The following IMMP2L variants were observed in gnomAD, a reference collection of about 807,000 sequenced individuals.
The protein encoded by IMMP2L is mitochondrial inner membrane protease subunit 2.
IMMP2L carries 18 observed loss-of-function variants against 19.3 expected under a neutral mutation model. The observed-to-expected ratio is 0.93, with a 90% CI of 0.64 to 1.38. IMMP2L has a LOEUF of 1.38. Ranked by LOEUF, IMMP2L falls within the 40% of genes most tolerant of loss-of-function variation. The pLI is 0.00. For missense variants in IMMP2L, 233 were observed against 218.2 expected, an observed-to-expected ratio of 1.07 and a Z score of -0.43; for synonymous variants, 76 against 73.0, an observed-to-expected ratio of 1.04 and a Z score of -0.21.
intron 3 of IMMP2L, among the ~76,000 whole-genome samples, chr7:111,262,909 T>C (rs1036131225): frequency 5.3e-5 from 8 of 152,118 alleles, no homozygotes. Context: ...TTAATAGAGT[T>C]TGATACTGGG....
chr7:111,143,888 C>T (rs1803196132), intron 3 of IMMP2L, among the ~76,000 whole-genome samples: 1 of 152,118 alleles, frequency 6.6e-6, no homozygotes, highest in African/African-American at 2.4e-5. Context: ...CCCATATGCA[C>T]TAATCAATCA....
chr7:111,430,061 A>G (rs1836474817), intron 3 of IMMP2L, among the ~76,000 whole-genome samples: 1 of 151,902 alleles, frequency 6.6e-6, no homozygotes, highest in Non-Finnish European at 1.5e-5. Flanking sequence ...ATACAAAACA[A>G]ACATAAGGAA....
intron 3 of IMMP2L, among the ~76,000 whole-genome samples, chr7:111,133,711 A>G (rs977724002): frequency 3.9e-5 from 6 of 152,040 alleles, no homozygotes; most frequent in Non-Finnish European, 5.9e-5. Context: ...TCTAGCACCC[A>G]GCTTCCTCCA....
intron 3 of IMMP2L, among the ~76,000 whole-genome samples, chr7:111,242,913 T>C (rs1815288263): frequency 6.6e-6 from 1 of 152,154 alleles, no homozygotes; most frequent in Non-Finnish European, 1.5e-5. Context: ...ATTGTCCAAT[T>C]GTTCTCTAAC....
At chr7:110,982,734 C>A (rs1821430430) in intron 3 of IMMP2L, among the ~76,000 whole-genome samples, 1 of 152,148 alleles carries the variant, frequency 6.6e-6, no homozygotes, top group South Asian at 2.1e-4. Flanking sequence ...TTAAGGTTTT[C>A]TTGATTATCA....
intron 3 of IMMP2L, among the ~76,000 whole-genome samples, chr7:111,371,769 G>T (rs1433535413): frequency 6.6e-6 from 1 of 151,992 alleles, no homozygotes; most frequent in Non-Finnish European, 1.5e-5. Context: ...GTGAAGAGGT[G>T]GGTGTAGTCA....
chr7:110,826,784 T>C (rs1803537424), intron 5 of IMMP2L, among the ~76,000 whole-genome samples: 1 of 151,826 alleles, frequency 6.6e-6, no homozygotes, highest in African/African-American at 2.4e-5. Context: ...CATGTATACA[T>C]ATGTAACAAA....
chr7:110,684,570 A>G (rs1035764051), intron 5 of IMMP2L, among the ~76,000 whole-genome samples: 1 of 151,960 alleles, frequency 6.6e-6, no homozygotes, highest in Non-Finnish European at 1.5e-5. Flanking sequence ...CAAGCAGATG[A>G]GGTTGACTGT....
chr7:110,898,084 T>G (rs1239930548), intron 4 of IMMP2L, among the ~76,000 whole-genome samples: 1 of 151,700 alleles, frequency 6.6e-6, no homozygotes, highest in African/African-American at 2.4e-5. Context: ...GTTACCATAT[T>G]TATGCTTTTG....
At chr7:110,743,965 C>G (rs529871595) in intron 5 of IMMP2L, among the ~76,000 whole-genome samples, 5 of 152,088 alleles carry the variant, frequency 3.3e-5, no homozygotes, top group Admixed American at 2.0e-4. Context: ...TAGTCTGGTT[C>G]GTCGGAGCCC....
At chr7:111,427,139 T>C (rs1836160888) in intron 3 of IMMP2L, among the ~76,000 whole-genome samples, 1 of 151,612 alleles carries the variant, frequency 6.6e-6, no homozygotes, top group African/African-American at 2.4e-5. Flanking sequence ...GACCTTAGAA[T>C]TCTTTTATCA....
At chr7:111,121,329 T>G (rs1800586840) in intron 3 of IMMP2L, among the ~76,000 whole-genome samples, 1 of 152,216 alleles carries the variant, frequency 6.6e-6, no homozygotes, top group African/African-American at 2.4e-5. Context: ...TGATGGTAGT[T>G]TCTTTTGCTG....
chr7:110,663,911 A>G (rs1791242953), intron 5 of IMMP2L, among the ~76,000 whole-genome samples, 190 bp from the exon 6 acceptor site: 1 of 152,166 alleles, frequency 6.6e-6, no homozygotes, highest in African/African-American at 2.4e-5. Context: ...CTTATATAGC[A>G]TTTTTCTAGG....
intron 5 of IMMP2L, among the ~76,000 whole-genome samples, chr7:110,764,639 AG>A (rs762858777): frequency 6.6e-6 from 1 of 152,138 alleles, no homozygotes; most frequent in Non-Finnish European, 1.5e-5. Context: ...TTTGCTCATA[AG>A]GTAGCACCTA....
intron 4 of IMMP2L, among the ~76,000 whole-genome samples, chr7:110,930,706 C>G (rs1303287008): frequency 6.6e-6 from 1 of 152,134 alleles, no homozygotes; most frequent in Non-Finnish European, 1.5e-5. Flanking sequence ...GTAGAATTGC[C>G]ATCACATCAC....
chr7:110,811,987 C>A (rs1305746217), intron 5 of IMMP2L, among the ~76,000 whole-genome samples: 1 of 152,016 alleles, frequency 6.6e-6, no homozygotes, highest in African/African-American at 2.4e-5. Context: ...TACCTCTATT[C>A]TTCTCCAGGG....
At chr7:110,799,055 C>T (rs10265761) in intron 5 of IMMP2L, among the ~76,000 whole-genome samples, 9,106 of 151,828 alleles carry the variant, frequency 0.06, 914 homozygotes, top group African/African-American at 0.21. Context: ...AGTGATTTAC[C>T]GAATTATAAA....
intron 3 of IMMP2L, among the ~76,000 whole-genome samples, chr7:111,172,377 A>G (rs1806542001): frequency 6.6e-6 from 1 of 151,534 alleles, no homozygotes; most frequent in Admixed American, 6.6e-5. Flanking sequence ...GATACATAAT[A>G]ATTATATACA....
intron 3 of IMMP2L, among the ~76,000 whole-genome samples, chr7:111,463,541 C>T (rs1169507542): frequency 6.6e-6 from 1 of 152,104 alleles, no homozygotes. Context: ...CTCCATACCC[C>T]CACCAGGCCA....
Sources: gnomAD v4.1 joint callset for allele counts (sites outside exome capture counted in the v4.1 genomes callset) on GRCh38, gnomAD v4.1.1 for gene constraint, MANE v1.5 for transcripts, NCBI Gene and HGNC (gene_info 2026-07-23, HGNC 2026-07-21) for gene names.